Variants in STIM1 observed in about 807,000 individuals in gnomAD.
STIM1 encodes stromal interaction molecule 1.
Under a neutral mutation model 74.7 loss-of-function variants are expected in STIM1, and 25 were observed. The observed-to-expected ratio is 0.33, with a 90% confidence interval of 0.24 to 0.47. The LOEUF (loss-of-function observed/expected upper bound fraction) is 0.47, where lower values mean the gene tolerates loss of function less well. Ranked by LOEUF, STIM1 falls within the 20% of genes least tolerant of loss-of-function variation. The pLI is 1.00. For synonymous variants in STIM1, 328 were observed against 348.8 expected (o/e 0.94, Z 0.66); for missense variants, 728 against 920.8 (o/e 0.79, Z 2.71).
intron 2 of STIM1, chr11:3,973,909 T>G (rs562086779): frequency 2.0e-6 from 1 of 493,150 alleles, no homozygotes; most frequent in African/African-American, 1.9e-5. Context: ...AAATTTAAAA[T>G]GTATCTTTTT....
chr11:4,031,101 T>G (rs1256651842), intron 3 of STIM1, among the ~76,000 whole-genome samples: 1 of 152,226 alleles, frequency 6.6e-6, no homozygotes, highest in Non-Finnish European at 1.5e-5. Flanking sequence ...TGCCATAGAT[T>G]AGTTTGCATT....
chr11:3,977,515 T>C (rs1011412590), intron 2 of STIM1, among the ~76,000 whole-genome samples: 3 of 152,260 alleles, frequency 2.0e-5, no homozygotes, highest in Non-Finnish European at 4.4e-5. Context: ...CCTCAGTTTC[T>C]TCATTAGAAA....
rs1283043082 is a variant in STIM1 at position 4,087,166 on chromosome 11, C to T, written c.1634+623C>T. On this transcript the variant is annotated intron_variant, in intron 12 of 12. Transcript: ENST00000526596. The stretch of plus-strand genomic sequence containing the variant: ...CTCACTTGGGCCCTCACTTCCTTTA[C>T]TCCTTCAACAAACATTTACTAATGC... Among the ~76,000 whole-genome samples the T allele has an allele frequency of 2.0e-5, 3 of 152,156 alleles. 1 individual carries two copies. Among genetic ancestry groups the T allele is most frequent in the African/African-American group, 7.2e-5 (3 of 41,426 alleles).
At chr11:4,048,516 A>G (rs1279156068) in intron 3 of STIM1, among the ~76,000 whole-genome samples, 3 of 152,134 alleles carry the variant, frequency 2.0e-5, no homozygotes, top group Admixed American at 2.0e-4. Flanking sequence ...GCTGGGTACC[A>G]TGTGATGACT....
chr11:3,880,903 C>T lies in STIM1; in HGVS notation c.139+24494C>T, dbSNP rs577828813. 3.9e-5 allele frequency among the ~76,000 whole-genome samples: 6 copies of T among 152,210 alleles called. No individual in the cohort carries two copies. The South Asian group carries it at 1.2e-3, about 32-fold the overall frequency. On this transcript the variant is annotated intron_variant, in intron 1 of 12. Transcript: ENST00000526596. ...TTGCTTTCTCACTAGGGACTTTAGA[C>T]TGCCTGACACACAGGAAATGACTAG...
chr11:3,893,305 A>G (rs2091952711), intron 1 of STIM1, among the ~76,000 whole-genome samples: 1 of 152,268 alleles, frequency 6.6e-6, no homozygotes, highest in African/African-American at 2.4e-5. Flanking sequence ...TTTTGAATGA[A>G]TAAATGAATT....
chr11:3,941,841 C>T (rs1362563483), intron 1 of STIM1, among the ~76,000 whole-genome samples: 1 of 151,816 alleles, frequency 6.6e-6, no homozygotes, highest in East Asian at 1.9e-4. Flanking sequence ...TATGAACCAT[C>T]ACACCCAGCT....
chr11:4,017,853 ACCC>A (rs2093913216), intron 2 of STIM1, among the ~76,000 whole-genome samples: 1 of 152,208 alleles, frequency 6.6e-6, no homozygotes, highest in East Asian at 1.9e-4. Context: ...TTATTGCAAT[ACCC>A]ACCTGAGTGA....
chr11:3,982,715 G>C (rs1377226963), intron 2 of STIM1, among the ~76,000 whole-genome samples: 1 of 152,122 alleles, frequency 6.6e-6, no homozygotes, highest in Non-Finnish European at 1.5e-5. Context: ...TGTGGTGATA[G>C]TTGTATACTT....
At chr11:3,927,896 C>T (rs952806057) in intron 1 of STIM1, among the ~76,000 whole-genome samples, 1 of 152,168 alleles carries the variant, frequency 6.6e-6, no homozygotes, top group Non-Finnish European at 1.5e-5. Flanking sequence ...CAACTAAGAA[C>T]CCTGTGGATA....
At chr11:4,018,476 A>C (rs1254872488) in intron 2 of STIM1, among the ~76,000 whole-genome samples, 9 of 147,682 alleles carry the variant, frequency 6.1e-5, no homozygotes, top group Non-Finnish European at 1.3e-4. Flanking sequence ...AAAAAAAAAA[A>C]AAAAAAAAAA....
At chr11:4,048,276 A>C (rs759750958) in intron 3 of STIM1, among the ~76,000 whole-genome samples, 8 of 152,246 alleles carry the variant, frequency 5.3e-5, no homozygotes, top group Non-Finnish European at 1.0e-4. Context: ...TAAGGTAAAT[A>C]ATACATCTTG....
At chr11:3,961,310 C>T in intron 1 of STIM1, 1 of 242,060 alleles carries the variant, frequency 4.1e-6, no homozygotes. Flanking sequence ...GACAGTGTTG[C>T]AGAAGATGTG....
In STIM1 at chr11:4,004,793, A is replaced by G. The variant is rs577373963; in HGVS notation, c.271-19080A>G. On this transcript the variant is annotated intron_variant, in intron 2 of 12. Coordinates refer to ENST00000526596, the MANE Select transcript of STIM1 (RefSeq NM_001382567.1). ...GCAAAAGAAACTACCATCAGAGTGA[A>G]CAGGCAACTGACAAAATGGGAGAAA... is the stretch of plus-strand genomic sequence containing the variant. Among the ~76,000 whole-genome samples the G allele has an allele frequency of 6.8e-4, 104 of 152,328 alleles. 1 individual carries two copies. In the East Asian group the frequency reaches 0.018, roughly 27 times the overall value.
intron 1 of STIM1, among the ~76,000 whole-genome samples, chr11:3,894,626 C>G (rs1350182194): frequency 6.6e-6 from 1 of 152,188 alleles, no homozygotes; most frequent in Non-Finnish European, 1.5e-5. Context: ...TCACATCCGA[C>G]ATGTTCCAGA....
At chr11:4,004,202 A>G (rs1334092771) in intron 2 of STIM1, among the ~76,000 whole-genome samples, 3 of 152,186 alleles carry the variant, frequency 2.0e-5, no homozygotes, top group East Asian at 1.9e-4. Context: ...TCCCCATCAA[A>G]CTACCAATGA....
chr11:3,869,959 G>A (rs2135260346), intron 1 of STIM1, among the ~76,000 whole-genome samples: 1 of 152,244 alleles, frequency 6.6e-6, no homozygotes, highest in Admixed American at 6.5e-5. Context: ...TTTGAGTGTG[G>A]GTCATGAAGA....
At chr11:4,076,417 T>G (rs1590693087) in intron 7 of STIM1, among the ~76,000 whole-genome samples, 1 of 123,522 alleles carries the variant, frequency 8.1e-6, no homozygotes, top group South Asian at 2.6e-4. Flanking sequence ...GCTTGGGAGG[T>G]GGAGGTTGCA....
At chr11:3,999,140 G>A (rs1343132273) in intron 2 of STIM1, among the ~76,000 whole-genome samples, 1 of 152,226 alleles carries the variant, frequency 6.6e-6, no homozygotes, top group Non-Finnish European at 1.5e-5. Context: ...GAGTCTATGA[G>A]TTTGAGACTA....
Sources: gnomAD v4.1 joint callset for allele counts (sites outside exome capture counted in the v4.1 genomes callset) on GRCh38, gnomAD v4.1.1 for gene constraint, MANE v1.5 for transcripts, NCBI Gene and HGNC (gene_info 2026-07-23, HGNC 2026-07-21) for gene names.